FOXJ3: variants seen among roughly 807,000 people sequenced by gnomAD.
FOXJ3 encodes the protein forkhead box J3.
A neutral mutation model predicts 76.1 loss-of-function variants in FOXJ3; 22 were observed. That is an observed-to-expected ratio of 0.29 (90% confidence interval 0.21 to 0.41). The LOEUF is 0.41. Among genes scored for constraint, FOXJ3 ranks in the 10% least tolerant of loss-of-function variants. The probability of loss-of-function intolerance (pLI) is 1.00; values close to 1 mark genes in which losing one functional copy is unlikely to be tolerated. For missense variants in FOXJ3, 613 were observed against 762.1 expected (o/e 0.80, Z 2.30); for synonymous variants, 269 against 261.2 (o/e 1.03, Z -0.29).
intron 5 of FOXJ3, among the ~76,000 whole-genome samples, chr1:42,221,030 T>G (rs890126408): frequency 1.3e-5 from 2 of 152,218 alleles, no homozygotes; most frequent in African/African-American, 2.4e-5. Flanking sequence ...TTATTTTGCA[T>G]AAAACATTCT....
chr1:42,325,344 G>T (rs1655765005), intron 1 of FOXJ3, among the ~76,000 whole-genome samples: 2 of 152,182 alleles, frequency 1.3e-5, no homozygotes, highest in Non-Finnish European at 2.9e-5. Flanking sequence ...AATCCATTAA[G>T]TTCTTTGAAC....
At chr1:42,283,021 G>A (rs185987806) in intron 2 of FOXJ3, among the ~76,000 whole-genome samples, 1 of 152,178 alleles carries the variant, frequency 6.6e-6, no homozygotes, top group African/African-American at 2.4e-5. Flanking sequence ...AGAGTACTAA[G>A]TAGCAGAAAG....
intron 4 of FOXJ3, among the ~76,000 whole-genome samples, chr1:42,249,651 T>G (rs893799598): frequency 6.6e-6 from 1 of 152,224 alleles, no homozygotes; most frequent in Non-Finnish European, 1.5e-5. Context: ...AAGACAAACA[T>G]CACTTTTGAG....
At chr1:42,297,232 T>G (rs1297668123) in intron 2 of FOXJ3, among the ~76,000 whole-genome samples, 1 of 152,222 alleles carries the variant, frequency 6.6e-6, no homozygotes, top group Non-Finnish European at 1.5e-5. Flanking sequence ...TCAGGAAACT[T>G]CCTCTTTTCC....
At chr1:42,222,549 T>C (rs1647256015) in intron 5 of FOXJ3, among the ~76,000 whole-genome samples, 1 of 152,178 alleles carries the variant, frequency 6.6e-6, no homozygotes, top group African/African-American at 2.4e-5. Flanking sequence ...CCTCAACACT[T>C]AGTGCTTAGA....
chr1:42,264,952 T>TA (rs1651354081), intron 4 of FOXJ3, 163 bp downstream of exon 4: 1 of 655,410 alleles, frequency 1.5e-6, no homozygotes, highest in African/African-American at 1.9e-5. Flanking sequence ...ATACACTAGT[T>TA]AGGTTCCCAC....
At chr1:42,248,144 C>CT (rs2124552275) in intron 4 of FOXJ3, among the ~76,000 whole-genome samples, 1 of 152,254 alleles carries the variant, frequency 6.6e-6, no homozygotes, top group African/African-American at 2.4e-5. Context: ...GGATAGGTTT[C>CT]TTTTTGGGAG....
At chr1:42,324,402 CTATA>C (rs1308328861) in intron 1 of FOXJ3, among the ~76,000 whole-genome samples, 4 of 146,628 alleles carry the variant, frequency 2.7e-5, no homozygotes, top group South Asian at 4.2e-4. Context: ...ACTATATATA[CTATA>C]TATAACATAT....
chr1:42,227,923 A>G lies in FOXJ3; in HGVS notation c.488T>C (p.Leu163Pro). The G allele has an allele frequency of 1.3e-6, 2 of 1,582,788 alleles. No homozygotes were observed. Among genetic ancestry groups the G allele is most frequent in the Non-Finnish European group, 1.7e-6 (2 of 1,157,816 alleles). The stretch of plus-strand genomic sequence containing the variant: ...TGCCCTCTTCTTTGGCCGAGTAGGC[A>G]GCACATCTTCCTTCGGATTGGTGTC... ...AIDTNPKEDV[L>P]PTRPKKRARS... The change falls in exon 5 of 13, where the codon CTG becomes CCG. Residue 163 changes from leucine (L) to proline (P), a missense_variant. Around this residue, in one of 3 missense-constraint regions of FOXJ3, gnomAD observed 526 missense variants for 601.4 expected, o/e 0.87. Transcript: ENST00000361346.
chr1:42,180,472 T>A (rs371214927), intron 12 of FOXJ3, among the ~76,000 whole-genome samples: 106 of 152,026 alleles, frequency 7.0e-4, no homozygotes, highest in African/African-American at 2.4e-3. Flanking sequence ...GACCCCCCCC[T>A]TCTAAACCAG....
chr1:42,238,699 C>T (rs1648894804), intron 4 of FOXJ3, among the ~76,000 whole-genome samples: 1 of 152,182 alleles, frequency 6.6e-6, no homozygotes, highest in African/African-American at 2.4e-5. Context: ...GCTGGGAACA[C>T]AGGCATGCAC....
intron 11 of FOXJ3, among the ~76,000 whole-genome samples, chr1:42,186,733 A>G (rs1646444262): frequency 6.6e-6 from 1 of 152,184 alleles, no homozygotes; most frequent in Non-Finnish European, 1.5e-5. Flanking sequence ...AAAACTACCA[A>G]GTTCCAAGAC....
chr1:42,260,989 T>C (rs1650988799), intron 4 of FOXJ3, among the ~76,000 whole-genome samples: 1 of 152,124 alleles, frequency 6.6e-6, no homozygotes, highest in Admixed American at 6.6e-5. Context: ...AGCCCTATAA[T>C]CCTTTAGTTC....
At chr1:42,267,141 C>T (rs1433713242) in intron 3 of FOXJ3, among the ~76,000 whole-genome samples, 1 of 152,052 alleles carries the variant, frequency 6.6e-6, no homozygotes, top group African/African-American at 2.4e-5. Flanking sequence ...AAACAGCCCA[C>T]CCTAAGTTCG....
At chr1:42,325,670 T>C (rs373466356) in intron 1 of FOXJ3, among the ~76,000 whole-genome samples, 1 of 152,234 alleles carries the variant, frequency 6.6e-6, no homozygotes, top group South Asian at 2.1e-4. Flanking sequence ...AGCTTATAAG[T>C]AGATCCTTAA....
Position 42,191,460 on chromosome 1 carries a change from T to G in FOXJ3, c.1194A>C (p.Pro398=). 1 of 1,613,272 alleles carries G rather than the reference T, an allele frequency of 6.2e-7. No individual in the cohort carries two copies. The highest frequency in any genetic ancestry group is 8.5e-7 in the Non-Finnish European group (1 of 1,179,546). Residue 398 remains proline (P), a synonymous_variant, in exon 9 of 13, where the codon CCA becomes CCC. Transcript: ENST00000361346. The part of the protein sequence containing the change: ...HGLPQHPQRS[P]HPAPHPQQHS... ...GTTGCTGTGGGTGTGGTGCTGGGTG[T>G]GGGGAACGCTGCGGATGCTGCGGTA...
intron 6 of FOXJ3, among the ~76,000 whole-genome samples, chr1:42,200,480 T>G (rs1379481960): frequency 6.6e-6 from 1 of 152,220 alleles, no homozygotes; most frequent in Non-Finnish European, 1.5e-5. Context: ...CAATATTTTC[T>G]CTTTTTTTCT....
At chr1:42,285,818 A>G (rs1653018380) in intron 2 of FOXJ3, among the ~76,000 whole-genome samples, 1 of 152,188 alleles carries the variant, frequency 6.6e-6, no homozygotes, top group Non-Finnish European at 1.5e-5. Context: ...GTTTCCCATT[A>G]TCCTCTTTTC....
chr1:42,270,160 A>G (rs919871728), intron 3 of FOXJ3, among the ~76,000 whole-genome samples: 3 of 151,924 alleles, frequency 2.0e-5, no homozygotes, highest in African/African-American at 7.3e-5. Context: ...CCCCAGCCTT[A>G]CTCCATCTTC....
Sources: allele counts gnomAD v4.1 joint callset (sites outside exome capture counted in the v4.1 genomes callset), GRCh38; gene constraint gnomAD v4.1.1; regional missense constraint gnomAD v4.1.1; transcripts MANE v1.5; gene names NCBI Gene and HGNC (gene_info 2026-07-23, HGNC 2026-07-21).